Variants in RAD51B observed in about 807,000 individuals in gnomAD.
RAD51B encodes the protein RAD51 paralog B.
In RAD51B, 38 loss-of-function variants were observed where a neutral mutation model predicts 42.2. The observed-to-expected ratio is 0.90, with a 90% CI of 0.70 to 1.18. RAD51B has a LOEUF of 1.18. Ranked by LOEUF, RAD51B falls within the 50% of genes most tolerant of loss-of-function variation. The pLI is 0.00. For missense variants in RAD51B, 373 were observed against 400.7 expected (o/e 0.93, Z 0.59); for synonymous variants, 154 against 145.2 (o/e 1.06, Z -0.43).
At chr14:68,512,185 A>C (rs569534825) in intron 10 of RAD51B, among the ~76,000 whole-genome samples, 11 of 152,198 alleles carry the variant, frequency 7.2e-5, no homozygotes, top group Non-Finnish European at 1.6e-4. Flanking sequence ...CCCCACTTGC[A>C]GTGACCCCCA....
chr14:68,512,512 A>G (rs775066526), intron 10 of RAD51B, among the ~76,000 whole-genome samples: 23 of 152,152 alleles, frequency 1.5e-4, no homozygotes, highest in Non-Finnish European at 1.0e-4. Context: ...TTTGTTTCTC[A>G]TGGTTCAGCA....
chr14:68,421,883 T>C, intron 9 of RAD51B: 1 of 1,592,632 alleles, frequency 6.3e-7, no homozygotes, highest in Non-Finnish European at 8.6e-7. Flanking sequence ...TTGTGTTGGG[T>C]CCAGCATTTG....
intron 7 of RAD51B, among the ~76,000 whole-genome samples, chr14:68,204,950 A>G (rs956688771): frequency 1.6e-4 from 25 of 152,228 alleles, no homozygotes; most frequent in African/African-American, 5.8e-4. Context: ...AAAGTAGGTT[A>G]TAAAACAGAA....
At chr14:68,208,060 A>G (rs1376216823) in intron 7 of RAD51B, among the ~76,000 whole-genome samples, 1 of 151,956 alleles carries the variant, frequency 6.6e-6, no homozygotes, top group Non-Finnish European at 1.5e-5. Flanking sequence ...TTTTAGGGAA[A>G]CTCATGTTTT....
intron 11 of RAD51B, among the ~76,000 whole-genome samples, chr14:68,677,547 C>T (rs1241191459): frequency 6.6e-6 from 1 of 152,214 alleles, no homozygotes; most frequent in Non-Finnish European, 1.5e-5. Context: ...CCCTTTTGCT[C>T]CTCCTTGGTT....
intron 10 of RAD51B, among the ~76,000 whole-genome samples, chr14:68,629,910 A>C (rs913403648): frequency 6.6e-6 from 1 of 152,270 alleles, no homozygotes; most frequent in Non-Finnish European, 1.5e-5. Context: ...GAACTTGTCC[A>C]GAGCCATTCA....
intron 9 of RAD51B, among the ~76,000 whole-genome samples, chr14:68,418,611 G>C (rs906322554): frequency 1.3e-5 from 2 of 152,176 alleles, no homozygotes; most frequent in African/African-American, 2.4e-5. Context: ...CAGGGCTTTG[G>C]AACCAAATTG....
chr14:68,632,653 A>AC (rs1394295857), intron 10 of RAD51B, among the ~76,000 whole-genome samples: 2 of 152,166 alleles, frequency 1.3e-5, no homozygotes, highest in Admixed American at 1.3e-4. Flanking sequence ...GACCTAACAC[A>AC]CCATGCCCCT....
chr14:67,956,035 G>T (rs1782023064), intron 7 of RAD51B, among the ~76,000 whole-genome samples: 1 of 152,130 alleles, frequency 6.6e-6, no homozygotes, highest in Non-Finnish European at 1.5e-5. Context: ...TGGATACTCA[G>T]TTCAGGTAAC....
intron 7 of RAD51B, among the ~76,000 whole-genome samples, chr14:68,126,426 C>T (rs2077761733): frequency 6.6e-6 from 1 of 152,170 alleles, no homozygotes; most frequent in African/African-American, 2.4e-5. Context: ...TCCTCCAGTC[C>T]TAAGTCGTTG....
At chr14:68,373,203 A>G (rs926487581) in intron 8 of RAD51B, among the ~76,000 whole-genome samples, 4 of 152,124 alleles carry the variant, frequency 2.6e-5, no homozygotes, top group Admixed American at 6.5e-5. Context: ...CTAATTTACT[A>G]TTTCCCACTG....
At chr14:68,211,267 T>C (rs997885649) in intron 7 of RAD51B, among the ~76,000 whole-genome samples, 1 of 152,188 alleles carries the variant, frequency 6.6e-6, no homozygotes, top group Non-Finnish European at 1.5e-5. Flanking sequence ...TAAGGCTACT[T>C]CCACTTTTAG....
At chr14:68,244,446 G>T (rs72727417) in intron 7 of RAD51B, among the ~76,000 whole-genome samples, 2,136 of 152,254 alleles carry the variant, frequency 0.014, 26 homozygotes, top group Non-Finnish European at 0.023. Context: ...AGAGAAGATG[G>T]AGCAAACACC....
chr14:68,139,694 G>A (rs1235704260), intron 7 of RAD51B, among the ~76,000 whole-genome samples: 1 of 152,182 alleles, frequency 6.6e-6, no homozygotes, highest in Non-Finnish European at 1.5e-5. Context: ...TTTTCTACTC[G>A]AGGGTTGCCA....
intron 7 of RAD51B, among the ~76,000 whole-genome samples, chr14:68,120,736 G>C (rs769387626): frequency 6.6e-6 from 1 of 151,822 alleles, no homozygotes; most frequent in Non-Finnish European, 1.5e-5. Flanking sequence ...GTCCTGCTTG[G>C]GCCCGGGCTC....
At chr14:68,342,669 A>G (rs1047937881) in intron 8 of RAD51B, among the ~76,000 whole-genome samples, 1 of 152,216 alleles carries the variant, frequency 6.6e-6, no homozygotes, top group Non-Finnish European at 1.5e-5. Context: ...GAAGCCCATC[A>G]AGTGAAAGCA....
chr14:68,660,188 G>T (rs1176535232), intron 11 of RAD51B, among the ~76,000 whole-genome samples: 2 of 152,216 alleles, frequency 1.3e-5, no homozygotes, highest in South Asian at 2.1e-4. Context: ...ATTTAAGACA[G>T]CCTAGAAATC....
At chr14:68,671,951 C>G (rs1265277723) in intron 11 of RAD51B, among the ~76,000 whole-genome samples, 3 of 152,174 alleles carry the variant, frequency 2.0e-5, no homozygotes, top group Non-Finnish European at 4.4e-5. Flanking sequence ...CCTTTCCAGA[C>G]AGTCCCTTGA....
At chr14:67,988,241 A>G (rs533817352) in intron 7 of RAD51B, among the ~76,000 whole-genome samples, 124 of 152,214 alleles carry the variant, frequency 8.1e-4, no homozygotes, top group African/African-American at 2.9e-3. Context: ...CGAGCGGATC[A>G]TGAGGTCAGG....
Sources: gnomAD v4.1 joint callset for allele counts (sites outside exome capture counted in the v4.1 genomes callset) on GRCh38, gnomAD v4.1.1 for gene constraint, MANE v1.5 for transcripts, NCBI Gene and HGNC (gene_info 2026-07-23, HGNC 2026-07-21) for gene names.